Variants in YEATS2 observed in about 807,000 individuals in gnomAD.
YEATS2 encodes the protein YEATS domain-containing protein 2.
Under a neutral mutation model 163.2 loss-of-function variants are expected in YEATS2, and 77 were observed. The observed-to-expected ratio is 0.47, with a 90% confidence interval of 0.39 to 0.57. The LOEUF is 0.57. Among genes scored for constraint, YEATS2 ranks in the 20% least tolerant of loss-of-function variants. YEATS2 has a pLI of 0.00. For missense variants in YEATS2, 1,549 were observed against 1,729.8 expected, an observed-to-expected ratio of 0.90 and a Z score of 1.85; for synonymous variants, 631 against 645.1, an observed-to-expected ratio of 0.98 and a Z score of 0.33.
intron 29 of YEATS2, 70 bp from the exon 30 acceptor site, chr3:183,809,027 G>A: frequency 2.0e-6 from 3 of 1,520,804 alleles, no homozygotes; most frequent in South Asian, 1.1e-5. Context: ...GTAAGGGATG[G>A]GGTTAAATGT....
chr3:183,784,263 T>C (rs1723843722), intron 19 of YEATS2, among the ~76,000 whole-genome samples: 1 of 152,214 alleles, frequency 6.6e-6, no homozygotes, highest in Admixed American at 6.5e-5. Flanking sequence ...ACCCACAGTG[T>C]ATAGGGCTTT....
rs1251763745 is a variant in YEATS2 at position 183,754,309 on chromosome 3, C to T, written c.1334C>T (p.Pro445Leu). ...GTTCCACAAAGTCAGGTTCCTAATC[C>T]TGAGTCACCTGGAAAATCCTTCCAG... is the stretch of plus-strand genomic sequence containing the variant. ...KIVPQSQVPN[P>L]ESPGKSFQPI... is the part of the protein sequence containing the mutation. Residue 445 changes from proline (P) to leucine (L), a missense_variant, in exon 11 of 31, where the codon CCT becomes CTT. By Grantham distance (98) the Pro-to-Leu change is moderately conservative. Coordinates refer to ENST00000305135, the MANE Select transcript of YEATS2 (RefSeq NM_018023.5). 1 of 1,614,086 alleles carries T rather than the reference C, an allele frequency of 6.2e-7. No individual in the cohort carries two copies.
At chr3:183,752,406 C>A (rs1720265817) in intron 10 of YEATS2, among the ~76,000 whole-genome samples, 153 bp downstream of exon 10, 1 of 152,144 alleles carries the variant, frequency 6.6e-6, no homozygotes, top group African/African-American at 2.4e-5. Context: ...CAAATTTCCA[C>A]TCTTGTCAAA....
At chr3:183,770,421 T>G (rs1280497895) in intron 15 of YEATS2, among the ~76,000 whole-genome samples, 1 of 152,188 alleles carries the variant, frequency 6.6e-6, no homozygotes, top group Admixed American at 6.5e-5. Flanking sequence ...TACTTATCAG[T>G]TGAATATGCT....
intron 9 of YEATS2, among the ~76,000 whole-genome samples, chr3:183,750,296 T>C (rs1251463534): frequency 6.6e-6 from 1 of 152,228 alleles, no homozygotes; most frequent in Non-Finnish European, 1.5e-5. Context: ...CTGCATTGTA[T>C]GTATATACCA....
chr3:183,804,968 A>G (rs972191894), intron 27 of YEATS2, among the ~76,000 whole-genome samples: 2 of 151,940 alleles, frequency 1.3e-5, no homozygotes, highest in Non-Finnish European at 2.9e-5. Flanking sequence ...CAGCCTGGGC[A>G]ACAGAGCAAG....
At chr3:183,726,510 C>T (rs986994938) in intron 6 of YEATS2, among the ~76,000 whole-genome samples, 6 of 152,012 alleles carry the variant, frequency 3.9e-5, no homozygotes, top group African/African-American at 1.4e-4. Flanking sequence ...TATAAATCCT[C>T]TAAAAACATA....
At chr3:183,706,004 A>C (rs1214406689) in intron 1 of YEATS2, among the ~76,000 whole-genome samples, 1 of 151,014 alleles carries the variant, frequency 6.6e-6, no homozygotes, top group Non-Finnish European at 1.5e-5. Flanking sequence ...GCACCACTGC[A>C]CTCCATCCTG....
intron 7 of YEATS2, among the ~76,000 whole-genome samples, chr3:183,733,705 C>T (rs908390175): frequency 2.0e-5 from 3 of 152,104 alleles, no homozygotes; most frequent in Admixed American, 6.5e-5. Flanking sequence ...TCTTACACAC[C>T]CTGAATCTCT....
intron 18 of YEATS2, 38 bp from the exon 19 acceptor site, chr3:183,777,504 A>C (rs1328505289): frequency 1.9e-6 from 3 of 1,603,178 alleles, no homozygotes; most frequent in Non-Finnish European, 2.6e-6. Context: ...GAATTTAACA[A>C]ATTACCGATT....
chr3:183,791,298 G>C (rs2108484381), intron 21 of YEATS2, among the ~76,000 whole-genome samples: 1 of 152,318 alleles, frequency 6.6e-6, no homozygotes, highest in East Asian at 1.9e-4. Context: ...GCCTCCCAAA[G>C]TGCTGGGATT....
chr3:183,717,860 CTTTT>C (rs34867307), intron 3 of YEATS2, 112 bp downstream of exon 3: 79 of 277,568 alleles, frequency 2.8e-4, no homozygotes, highest in Middle Eastern at 1.1e-3. Flanking sequence ...CTCCTCTTTG[CTTTT>C]TTTTTTTTTT....
At chr3:183,728,617 A>G in intron 6 of YEATS2, 73 bp from the exon 7 acceptor site, 1 of 1,365,516 alleles carries the variant, frequency 7.3e-7, no homozygotes, top group Non-Finnish European at 9.7e-7. Context: ...TTTAAGTTTA[A>G]GTAGGACTTA....
At chr3:183,746,534 G>C (rs187804258) in intron 8 of YEATS2, among the ~76,000 whole-genome samples, 3 of 151,926 alleles carry the variant, frequency 2.0e-5, no homozygotes, top group Admixed American at 1.3e-4. Flanking sequence ...TACTAGTTCT[G>C]TCCTATCCAA....
intron 8 of YEATS2, among the ~76,000 whole-genome samples, chr3:183,740,963 G>A (rs567984016): frequency 7.6e-4 from 116 of 152,214 alleles, no homozygotes; most frequent in African/African-American, 2.6e-3. Context: ...TTTTGAGATA[G>A]AGTCTTGGTC....
At chr3:183,807,726 A>G (rs1209602981) in intron 28 of YEATS2, 8 of 295,218 alleles carry the variant, frequency 2.7e-5, no homozygotes, top group Middle Eastern at 1.1e-3. Context: ...CAGACCTTTC[A>G]AAGTGTTGAT....
chr3:183,810,697 AC>A lies in YEATS2; in HGVS notation c.*117del. On this transcript the variant is annotated 3_prime_UTR_variant, in exon 31 of 31. Transcript: ENST00000305135. ...CAGTGTGACTCGGCATGTCATGGCT[AC>A]CCAACCTTTGCCGCTGCCTGTTCCC... The A allele has an allele frequency of 1.1e-6, 1 of 933,332 alleles. No homozygotes were observed. Among genetic ancestry groups the A allele is most frequent in the Non-Finnish European group, 1.7e-6 (1 of 599,660 alleles). 57.8% of individuals were successfully genotyped at this position (933,332 alleles called of 1,614,324 possible).
At chr3:183,771,601 A>G (rs2109422863) in intron 15 of YEATS2, among the ~76,000 whole-genome samples, 1 of 116,822 alleles carries the variant, frequency 8.6e-6, no homozygotes. Flanking sequence ...CCCAGGCTGG[A>G]GGGCAGTGGT....
At chr3:183,713,641 G>T (rs1278251911) in intron 1 of YEATS2, among the ~76,000 whole-genome samples, 1 of 152,156 alleles carries the variant, frequency 6.6e-6, no homozygotes, top group Non-Finnish European at 1.5e-5. Context: ...TATTTTTATT[G>T]GACAGCACTG....
Sources: allele counts gnomAD v4.1 joint callset (sites outside exome capture counted in the v4.1 genomes callset), GRCh38; gene constraint gnomAD v4.1.1; transcripts MANE v1.5; gene names NCBI Gene and HGNC (gene_info 2026-07-23, HGNC 2026-07-21).